RAB40B: variants seen among roughly 807,000 people sequenced by gnomAD.
The protein encoded by RAB40B is ras-related protein Rab-40B.
In RAB40B, 21 loss-of-function variants were observed where a neutral mutation model predicts 24.0. The ratio of observed to expected loss-of-function variants is 0.88; its 90% CI spans 0.62 to 1.26. The LOEUF (loss-of-function observed/expected upper bound fraction) is 1.26, where lower values mean the gene tolerates loss of function less well. RAB40B is among the 50% of genes most tolerant of loss of function. RAB40B has a pLI of 0.00. For missense variants in RAB40B, 348 were observed against 390.5 expected, an observed-to-expected ratio of 0.89 and a Z score of 0.92; for synonymous variants, 167 against 169.8, an observed-to-expected ratio of 0.98 and a Z score of 0.13.
chr17:82,693,653 C>T (rs1490039926), intron 1 of RAB40B, among the ~76,000 whole-genome samples: 5 of 152,056 alleles, frequency 3.3e-5, no homozygotes, highest in South Asian at 4.1e-4. Flanking sequence ...CCCAAATGCC[C>T]GTCACCCGCA....
Position 82,674,436 on chromosome 17 carries a change from C to G in RAB40B, c.143-9880G>C, listed in dbSNP as rs2046374611. 4.1e-5 allele frequency among the ~76,000 whole-genome samples: 6 copies of G among 146,862 alleles called. No homozygotes were observed. The Admixed American group carries it at 4.2e-4, about 10-fold the overall frequency. On this transcript the variant is annotated intron_variant, in intron 1 of 5. Coordinates refer to ENST00000571995, the MANE Select transcript of RAB40B (RefSeq NM_006822.3). ...CATGAGGTCAGGAGTTCGAGACCAT[C>G]CTGGCTAACAGGGTGAAACCCCGTC...
chr17:82,691,574 C>T (rs577188665), intron 1 of RAB40B, among the ~76,000 whole-genome samples: 154 of 152,204 alleles, frequency 1.0e-3, no homozygotes, highest in African/African-American at 3.6e-3. Context: ...CCCAGCTACT[C>T]GGGGGGCTGA....
chr17:82,673,599 T>C (rs1465285223), intron 1 of RAB40B, among the ~76,000 whole-genome samples: 1 of 152,244 alleles, frequency 6.6e-6, no homozygotes, highest in East Asian at 1.9e-4. Flanking sequence ...AGGGAGAAGA[T>C]GCTTTTCCCT....
intron 4 of RAB40B, 88 bp from the exon 5 acceptor site, chr17:82,658,801 C>A: frequency 2.5e-6 from 3 of 1,218,854 alleles, no homozygotes; most frequent in Non-Finnish European, 3.4e-6. Context: ...GTCGAGGAAC[C>A]CCCCACGAGT....
rs975485227 is a variant in RAB40B, at chr17:82,697,607, C to A, written c.142+848G>T. Among the ~76,000 whole-genome samples, 2 of 152,222 alleles carry A rather than the reference C, an allele frequency of 1.3e-5. No individual in the cohort carries two copies. Among genetic ancestry groups the A allele is most frequent in the Non-Finnish European group, 2.9e-5 (2 of 68,032 alleles). ...CCTCGTCCAAGCTGTTCCAGGGATG[C>A]GCGTGGGTGAAGGCCCCGCCTGCTC... On this transcript the variant is annotated intron_variant, in intron 1 of 5. Transcript: ENST00000571995. The surrounding 1 kb of genome is among the most constrained non-coding windows in gnomAD (Gnocchi z 4.9).
chr17:82,672,427 T>C (rs2046351527), intron 1 of RAB40B, among the ~76,000 whole-genome samples: 1 of 149,346 alleles, frequency 6.7e-6, no homozygotes, highest in Non-Finnish European at 1.5e-5. Flanking sequence ...TACAGTTTTG[T>C]TGCTTTTTAA....
At chr17:82,676,952 T>G (rs1166099969) in intron 1 of RAB40B, among the ~76,000 whole-genome samples, 2 of 147,732 alleles carry the variant, frequency 1.4e-5, no homozygotes, top group Non-Finnish European at 3.0e-5. Context: ...ATTTATTTAT[T>G]TATTTATTTT....
intron 1 of RAB40B, among the ~76,000 whole-genome samples, chr17:82,688,791 G>A (rs1367062166): frequency 5.3e-5 from 8 of 151,860 alleles, no homozygotes; most frequent in African/African-American, 1.5e-4. Context: ...AAAATTAGCC[G>A]GGCATGGTGG....
chr17:82,670,929 C>T (rs919472312), intron 1 of RAB40B, among the ~76,000 whole-genome samples: 5 of 152,034 alleles, frequency 3.3e-5, no homozygotes, highest in African/African-American at 4.8e-5. Context: ...AGTGCTGTCA[C>T]GATCCACGAT....
At chr17:82,698,407 T>A in intron 1 of RAB40B, 48 bp downstream of exon 1, 14 of 232,848 alleles carry the variant, frequency 6.0e-5, no homozygotes, top group Non-Finnish European at 6.0e-5. Context: ...CCCGCGCCCC[T>A]CCCCGGCCCC....
chr17:82,659,037 G>T (rs186666565), intron 4 of RAB40B: 168 of 314,894 alleles, frequency 5.3e-4, no homozygotes, highest in African/African-American at 3.2e-3. Context: ...TGGCACCGCC[G>T]AGAGCTGGGA....
chr17:82,683,357 T>TA (rs766335979), intron 1 of RAB40B, among the ~76,000 whole-genome samples: 1 of 152,126 alleles, frequency 6.6e-6, no homozygotes, highest in Admixed American at 6.5e-5. Flanking sequence ...CTTTAAAAGA[T>TA]ACTAAATGGA....
rs1279702691 is a variant in RAB40B, at chr17:82,674,069, G to A, written c.143-9513C>T. Among the ~76,000 whole-genome samples the A allele has an allele frequency of 5.9e-5, 9 of 152,336 alleles. No homozygotes were observed. The East Asian group carries it at 9.6e-4, about 16-fold the overall frequency. On this transcript the variant is annotated intron_variant, in intron 1 of 5. Coordinates refer to ENST00000571995, the MANE Select transcript of RAB40B (RefSeq NM_006822.3). ...AAAACGCAACAACCTGGCCAGGCGC[G>A]GTGGCTCGCGCCTGTAATCCCAGCA...
At chr17:82,676,922 GGCCGGTA>G (rs2046400230) in intron 1 of RAB40B, among the ~76,000 whole-genome samples, 2 of 148,880 alleles carry the variant, frequency 1.3e-5, no homozygotes, top group African/African-American at 4.9e-5. Flanking sequence ...TACCGCGCCC[GGCCGGTA>G]GCCTACTAAT....
intron 1 of RAB40B, among the ~76,000 whole-genome samples, chr17:82,679,927 C>T (rs962854493): frequency 1.3e-5 from 2 of 152,216 alleles, no homozygotes; most frequent in Non-Finnish European, 2.9e-5. Flanking sequence ...GAAGAGACAT[C>T]GTCTTGGGGA....
intron 5 of RAB40B, 92 bp from the exon 6 acceptor site, chr17:82,658,226 C>CA (rs1477332982): frequency 2.6e-6 from 4 of 1,519,502 alleles, no homozygotes; most frequent in Non-Finnish European, 3.5e-6. Context: ...CCCGCCCTCC[C>CA]AAGGCTCGGA....
chr17:82,657,788 T>G lies in RAB40B; in HGVS notation c.*75A>C. ...CGCCGAGAGGAACCGGGATCTGAGA[T>G]GCATCCACCAGCTGCCGGGGGTAAC... is the stretch of plus-strand genomic sequence containing the variant. On this transcript the variant is annotated 3_prime_UTR_variant, in exon 6 of 6. Coordinates refer to ENST00000571995, the MANE Select transcript of RAB40B (RefSeq NM_006822.3). 6.6e-7 allele frequency: 1 copy of G among 1,524,686 alleles called. No homozygotes were observed. The highest frequency in any genetic ancestry group is 9.1e-7 in the Non-Finnish European group (1 of 1,099,328). The allele number at this position is 1,524,686 out of a possible 1,614,324, so 94.4% of individuals were successfully genotyped here.
rs1236379921 is a variant in RAB40B at position 82,658,475 on chromosome 17, TA to T, written c.565+15del. On this transcript the variant is annotated intron_variant, in intron 5 of 5. Coordinates refer to ENST00000571995, the MANE Select transcript of RAB40B (RefSeq NM_006822.3). ...TGGAGGGCAGAGGTGGCCCCCGGAA[TA>T]GCCCCTGGGCCTACCCTTGCTCGGC... 6.2e-7 allele frequency: 1 copy of T among 1,609,904 alleles called. No individual in the cohort carries two copies. The highest frequency in any genetic ancestry group is 8.5e-7 in the Non-Finnish European group (1 of 1,179,270).
intron 1 of RAB40B, among the ~76,000 whole-genome samples, chr17:82,693,619 A>G (rs1317089305): frequency 6.6e-6 from 1 of 152,246 alleles, no homozygotes; most frequent in African/African-American, 2.4e-5. Flanking sequence ...AGAACAAACC[A>G]TAATAGTCAG....
Sources: gnomAD v4.1 joint callset for allele counts (sites outside exome capture counted in the v4.1 genomes callset) on GRCh38, gnomAD v4.1.1 for gene constraint, Gnocchi (gnomAD v3.1) non-coding constraint, MANE v1.5 for transcripts, NCBI Gene and HGNC (gene_info 2026-07-23, HGNC 2026-07-21) for gene names.